The following SOX6 variants were observed in gnomAD, a reference collection of about 807,000 sequenced individuals.
SOX6 encodes SRY-box transcription factor 6, also known as transcription factor SOX-6.
A neutral mutation model predicts 97.8 loss-of-function variants in SOX6; 11 were observed. The ratio of observed to expected loss-of-function variants is 0.11; its 90% confidence interval spans 0.07 to 0.19. The LOEUF is 0.19. SOX6 is among the 10% of genes least tolerant of loss of function. The pLI is 1.00. For missense variants in SOX6, 810 were observed against 1,039.5 expected, an observed-to-expected ratio of 0.78 and a Z score of 3.04; for synonymous variants, 360 against 371.4, an observed-to-expected ratio of 0.97 and a Z score of 0.35.
intron 9 of SOX6, among the ~76,000 whole-genome samples, chr11:16,087,555 T>A (rs1412638408): frequency 6.6e-6 from 1 of 151,950 alleles, no homozygotes; most frequent in Non-Finnish European, 1.5e-5. Context: ...CTGAAGAGAG[T>A]TGTGACTGTT....
At chr11:16,299,979 T>C (rs961432596) in intron 3 of SOX6, among the ~76,000 whole-genome samples, 2 of 152,144 alleles carry the variant, frequency 1.3e-5, no homozygotes, top group African/African-American at 4.8e-5. Flanking sequence ...TTGTTTGGGG[T>C]TAATTAGCAC....
At chr11:16,034,658 C>T (rs76565826) in intron 12 of SOX6, among the ~76,000 whole-genome samples, 290 of 152,236 alleles carry the variant, frequency 1.9e-3, no homozygotes, top group African/African-American at 6.8e-3. Flanking sequence ...TATAGTAATA[C>T]CCAACACCAC....
At chr11:16,250,480 T>C (rs1853476962) in intron 3 of SOX6, among the ~76,000 whole-genome samples, 1 of 152,076 alleles carries the variant, frequency 6.6e-6, no homozygotes, top group Admixed American at 6.6e-5. Context: ...TTATAACAGA[T>C]AAACTTTAAC....
intron 3 of SOX6, among the ~76,000 whole-genome samples, chr11:16,238,644 TA>T (rs1207448289): frequency 3.3e-5 from 5 of 151,994 alleles, no homozygotes; most frequent in Admixed American, 2.6e-4. Context: ...CAAAAATAAA[TA>T]AACAAATTGT....
chr11:16,480,250 GA>G (rs1310840821), upstream of SOX6, among the ~76,000 whole-genome samples: 3 of 152,010 alleles, frequency 2.0e-5, no homozygotes, highest in African/African-American at 7.2e-5. Flanking sequence ...ATATTATTTA[GA>G]TTTTTTTATA....
intron 2 of SOX6, among the ~76,000 whole-genome samples, chr11:16,718,749 T>C (rs774102329): frequency 1.3e-5 from 2 of 152,120 alleles, no homozygotes; most frequent in Non-Finnish European, 2.9e-5. Flanking sequence ...ATATGCATTG[T>C]TTGTGACAAG....
intron 1 of SOX6, among the ~76,000 whole-genome samples, chr11:16,414,678 AT>A (rs1432638876): frequency 1.3e-5 from 2 of 152,192 alleles, no homozygotes; most frequent in African/African-American, 4.8e-5. Flanking sequence ...ACAAAATGCT[AT>A]GGGAGTTCAG....
At chr11:16,597,613 T>C (rs1436747208) in intron 4 of SOX6, among the ~76,000 whole-genome samples, 1 of 151,894 alleles carries the variant, frequency 6.6e-6, no homozygotes. Flanking sequence ...TTTCTTAAAA[T>C]GAAAGCAAAA....
chr11:16,051,807 T>C (rs1374747994), intron 10 of SOX6, among the ~76,000 whole-genome samples: 1 of 152,150 alleles, frequency 6.6e-6, no homozygotes, highest in Non-Finnish European at 1.5e-5. Context: ...TACAATTTTC[T>C]CTTTCTTCCT....
intron 6 of SOX6, among the ~76,000 whole-genome samples, chr11:16,141,739 C>T (rs1040737576): frequency 6.6e-5 from 10 of 152,286 alleles, no homozygotes; most frequent in East Asian, 5.8e-4. Context: ...CCCACACCCA[C>T]GGAACCTCAC....
At chr11:16,730,718 TAGC>T (rs764493139) in intron 2 of SOX6, among the ~76,000 whole-genome samples, 2 of 151,846 alleles carry the variant, frequency 1.3e-5, no homozygotes, top group Non-Finnish European at 2.9e-5. Flanking sequence ...ACTCAAAAGC[TAGC>T]AGAAGACAAG....
At chr11:16,119,635 C>T (rs1480269863) in intron 6 of SOX6, among the ~76,000 whole-genome samples, 1 of 152,198 alleles carries the variant, frequency 6.6e-6, no homozygotes, top group Non-Finnish European at 1.5e-5. Flanking sequence ...TTTGTATTAA[C>T]TGATCAATGG....
intron 3 of SOX6, among the ~76,000 whole-genome samples, chr11:16,650,658 C>T (rs932802329): frequency 2.0e-5 from 3 of 151,916 alleles, no homozygotes; most frequent in Non-Finnish European, 4.4e-5. Context: ...GTATTAAATG[C>T]CTACATCAAA....
intron 2 of SOX6, among the ~76,000 whole-genome samples, chr11:16,721,604 T>C (rs1218172172): frequency 9.2e-5 from 3 of 32,780 alleles, no homozygotes; most frequent in Non-Finnish European, 1.1e-4. Flanking sequence ...CTCTCTTCCC[T>C]CCCTCCCTCC....
At chr11:16,528,012 G>T (rs1374275865) in intron 4 of SOX6, among the ~76,000 whole-genome samples, 2 of 152,102 alleles carry the variant, frequency 1.3e-5, no homozygotes. Context: ...GGTGGATGCA[G>T]GTCAGCTTCT....
At chr11:16,210,997 G>T (rs1852209500) in intron 4 of SOX6, among the ~76,000 whole-genome samples, 1 of 152,130 alleles carries the variant, frequency 6.6e-6, no homozygotes, top group African/African-American at 2.4e-5. Flanking sequence ...CTTAAAACAT[G>T]ATCCGTGGGA....
intron 9 of SOX6, among the ~76,000 whole-genome samples, chr11:16,089,012 A>G (rs1252642040): frequency 2.6e-5 from 4 of 152,184 alleles, no homozygotes; most frequent in Non-Finnish European, 5.9e-5. Flanking sequence ...TAATATAGAC[A>G]TTGTAACATC....
intron 1 of SOX6, among the ~76,000 whole-genome samples, chr11:16,404,305 C>T (rs1456360366): frequency 6.6e-6 from 1 of 151,874 alleles, no homozygotes; most frequent in Non-Finnish European, 1.5e-5. Context: ...AACAATCTCA[C>T]TGTTGCACAC....
chr11:16,244,679 A>T (rs562640279), intron 3 of SOX6, among the ~76,000 whole-genome samples: 7 of 151,748 alleles, frequency 4.6e-5, no homozygotes, highest in Non-Finnish European at 1.0e-4. Context: ...AACATTTTTC[A>T]AAAAGATTAT....
Sources: gnomAD v4.1 joint callset for allele counts (sites outside exome capture counted in the v4.1 genomes callset) on GRCh38, gnomAD v4.1.1 for gene constraint, MANE v1.5 for transcripts, NCBI Gene and HGNC (gene_info 2026-07-23, HGNC 2026-07-21) for gene names.